The following SHANK2 variants were observed in gnomAD, a reference collection of about 807,000 sequenced individuals.
The protein encoded by SHANK2 is SH3 and multiple ankyrin repeat domains 2.
SHANK2 carries 43 observed loss-of-function variants against 133.7 expected under a neutral mutation model. The observed-to-expected ratio is 0.32, with a 90% CI of 0.25 to 0.41. SHANK2 has a LOEUF of 0.41. SHANK2 is among the 10% of genes least tolerant of loss of function. SHANK2 has a pLI of 1.00. For missense variants in SHANK2, 1,994 were observed against 2,235.8 expected (o/e 0.89, Z 2.18); for synonymous variants, 1,017 against 952.8 (o/e 1.07, Z -1.24).
chr11:71,059,053 C>A (rs1477620924), intron 9 of SHANK2, among the ~76,000 whole-genome samples: 1 of 152,130 alleles, frequency 6.6e-6, no homozygotes, highest in Non-Finnish European at 1.5e-5. Context: ...CTTGTCTCTA[C>A]CAAAAATACA....
At chr11:71,208,201 G>A (rs1954169517) in intron 2 of SHANK2, among the ~76,000 whole-genome samples, 1 of 152,092 alleles carries the variant, frequency 6.6e-6, no homozygotes, top group African/African-American at 2.4e-5. Context: ...GCAGGAGGGT[G>A]CCCTGGAGGG....
chr11:70,583,386 C>T (rs2060208655), intron 17 of SHANK2, among the ~76,000 whole-genome samples: 2 of 152,132 alleles, frequency 1.3e-5, no homozygotes, highest in Non-Finnish European at 2.9e-5. Context: ...CGTGTGGCAG[C>T]AGCATCCACA....
intron 3 of SHANK2, among the ~76,000 whole-genome samples, chr11:71,135,965 G>T (rs1314930353): frequency 6.6e-6 from 1 of 152,168 alleles, no homozygotes; most frequent in Non-Finnish European, 1.5e-5. Context: ...ACACAGGCTT[G>T]CGGGGGTCTA....
intron 3 of SHANK2, among the ~76,000 whole-genome samples, chr11:71,124,129 T>TGGTGA (rs1952130425): frequency 1.3e-5 from 1 of 74,494 alleles, no homozygotes. Flanking sequence ...GTGATGGTGA[T>TGGTGA]TGATGGTGAT....
At chr11:71,111,541 C>T (rs566542430) in intron 5 of SHANK2, among the ~76,000 whole-genome samples, 11 of 152,330 alleles carry the variant, frequency 7.2e-5, no homozygotes, top group East Asian at 1.9e-4. Context: ...GGCACCCTTC[C>T]GCCTGCTGCG....
chr11:71,168,543 C>T (rs1012156766), intron 2 of SHANK2, among the ~76,000 whole-genome samples: 5 of 152,056 alleles, frequency 3.3e-5, no homozygotes, highest in Non-Finnish European at 5.9e-5. Context: ...CCATTGAGCA[C>T]GGAGTGAACG....
rs35737323 is a variant in SHANK2, at chr11:70,690,488, G to GTTTTTTTTTTTTTTT, written c.1853+8185_1853+8199dup. On this transcript the variant is annotated intron_variant, in intron 15 of 25. Coordinates refer to ENST00000601538, the MANE Select transcript of SHANK2 (RefSeq NM_012309.5). ...ATCATCATAATGTAATACTTCCCAT[G>GTTTTTTTTTTTTTTT]TTTTTTTTTTTTTTTTTTTTTTTTT... is the stretch of plus-strand genomic sequence containing the variant. Among the ~76,000 whole-genome samples the GTTTTTTTTTTTTTTT allele has an allele frequency of 2.0e-3, 64 of 32,816 alleles. 11 individuals carry two copies. The highest frequency in any genetic ancestry group is 6.3e-3 in the East Asian group (5 of 790). 21.5% of individuals were successfully genotyped at this position (32,816 alleles called of 152,430 possible).
intron 15 of SHANK2, chr11:70,669,072 T>A (rs1411113856): frequency 6.6e-6 from 1 of 152,264 alleles, no homozygotes; most frequent in Non-Finnish European, 1.5e-5. Context: ...CTGGAATGAC[T>A]CAGGGTCAAC....
chr11:70,810,912 C>T (rs1461675669), intron 12 of SHANK2, among the ~76,000 whole-genome samples: 3 of 152,180 alleles, frequency 2.0e-5, no homozygotes, highest in African/African-American at 7.2e-5. Flanking sequence ...CCTCTCCTGG[C>T]CGGTGATGCG....
intron 17 of SHANK2, among the ~76,000 whole-genome samples, chr11:70,573,079 G>A (rs2060066164): frequency 6.6e-6 from 1 of 152,112 alleles, no homozygotes. Flanking sequence ...GGAACGGACT[G>A]CCGGAACACA....
chr11:70,636,712 T>C (rs2061101356), intron 17 of SHANK2, among the ~76,000 whole-genome samples: 3 of 150,604 alleles, frequency 2.0e-5, no homozygotes, highest in Admixed American at 2.0e-4. Context: ...TGTGAACATA[T>C]GTGCGAGGAT....
chr11:70,613,088 G>A (rs2060684167), intron 17 of SHANK2, among the ~76,000 whole-genome samples: 1 of 152,226 alleles, frequency 6.6e-6, no homozygotes, highest in African/African-American at 2.4e-5. Context: ...TGTGTCAGGG[G>A]TGTGTGCCAT....
chr11:71,138,064 G>A (rs1952481332), intron 3 of SHANK2, among the ~76,000 whole-genome samples: 1 of 147,602 alleles, frequency 6.8e-6, no homozygotes. Context: ...CTCTCACAAT[G>A]GGTGGGCGCA....
chr11:71,119,565 C>T (rs1278672712), intron 3 of SHANK2, among the ~76,000 whole-genome samples: 3 of 128,104 alleles, frequency 2.3e-5, no homozygotes, highest in African/African-American at 9.2e-5. Flanking sequence ...GGCGACAAGG[C>T]GAGACTCCAT....
At chr11:70,733,307 T>A (rs1946328853) in intron 14 of SHANK2, among the ~76,000 whole-genome samples, 1 of 152,198 alleles carries the variant, frequency 6.6e-6, no homozygotes, top group Non-Finnish European at 1.5e-5. Context: ...TTTAGTATGT[T>A]TACACAGAAG....
chr11:70,578,589 C>T (rs568294009), intron 17 of SHANK2, among the ~76,000 whole-genome samples: 34 of 152,308 alleles, frequency 2.2e-4, no homozygotes, highest in African/African-American at 8.2e-4. Flanking sequence ...GAGTAGACAG[C>T]GTGTCCCCGA....
intron 10 of SHANK2, among the ~76,000 whole-genome samples, chr11:70,930,486 G>A (rs1009099324): frequency 6.6e-6 from 1 of 152,042 alleles, no homozygotes; most frequent in Non-Finnish European, 1.5e-5. Context: ...TATTAATATT[G>A]TATTTATTGT....
intron 12 of SHANK2, among the ~76,000 whole-genome samples, chr11:70,813,965 C>T (rs898394950): frequency 4.6e-5 from 7 of 152,154 alleles, no homozygotes; most frequent in South Asian, 2.1e-4. Context: ...GCTTCAGGGA[C>T]GGACACAGGA....
At chr11:71,145,741 T>A (rs1305001708) in intron 3 of SHANK2, among the ~76,000 whole-genome samples, 1 of 152,206 alleles carries the variant, frequency 6.6e-6, no homozygotes, top group Non-Finnish European at 1.5e-5. Flanking sequence ...GGCAGCATGA[T>A]GCTTCCCCGA....
Sources: gnomAD v4.1 joint callset for allele counts (sites outside exome capture counted in the v4.1 genomes callset) on GRCh38, gnomAD v4.1.1 for gene constraint, MANE v1.5 for transcripts, NCBI Gene and HGNC (gene_info 2026-07-23, HGNC 2026-07-21) for gene names.